Variants in GUCY1B1 observed in about 807,000 individuals in gnomAD.
GUCY1B1 encodes guanylate cyclase 1 soluble subunit beta 1, also known as guanylate cyclase soluble subunit beta-1.
In GUCY1B1, 43 loss-of-function variants were observed where a neutral mutation model predicts 71.0. The observed-to-expected ratio is 0.61, with a 90% CI of 0.47 to 0.78. GUCY1B1 has a LOEUF of 0.78. GUCY1B1 is among the 30% of genes least tolerant of loss of function. The pLI is 0.00. For missense variants in GUCY1B1, 535 were observed against 754.1 expected, an observed-to-expected ratio of 0.71 and a Z score of 3.40; for synonymous variants, 266 against 259.7, an observed-to-expected ratio of 1.02 and a Z score of -0.23.
At chr4:155,791,355 T>C (rs1739147136) in intron 5 of GUCY1B1, among the ~76,000 whole-genome samples, 1 of 149,590 alleles carries the variant, frequency 6.7e-6, no homozygotes, top group Admixed American at 6.6e-5. Flanking sequence ...GACCTCATGA[T>C]CCGCCCGGCT....
intron 2 of GUCY1B1, chr4:155,772,455 C>T (rs1737757904): frequency 2.7e-6 from 1 of 375,130 alleles, no homozygotes; most frequent in Non-Finnish European, 4.9e-6. Context: ...GGCTCTGTTG[C>T]CCAGGCTGAA....
chr4:155,801,686 C>T (rs1487976375), intron 9 of GUCY1B1, among the ~76,000 whole-genome samples: 1 of 152,184 alleles, frequency 6.6e-6, no homozygotes, highest in South Asian at 2.1e-4. Flanking sequence ...CTGCTTCTTT[C>T]CCTCTAAATT....
chr4:155,796,605 T>G, intron 8 of GUCY1B1, 95 bp downstream of exon 8: 1 of 790,964 alleles, frequency 1.3e-6, no homozygotes, highest in South Asian at 1.9e-5. Flanking sequence ...ATTTACATAT[T>G]CTCTGAGGTG....
chr4:155,793,872 A>G lies in GUCY1B1; in HGVS notation c.512A>G (p.Asn171Ser). 1 of 1,494,434 alleles carries G rather than the reference A, an allele frequency of 6.7e-7. No homozygotes were observed. The highest frequency in any genetic ancestry group is 9.3e-7 in the Non-Finnish European group (1 of 1,071,016). 92.6% of individuals were successfully genotyped at this position (1,494,434 alleles called of 1,614,324 possible). A position where few individuals can be genotyped will look rare whatever the true frequency, so the allele number is the denominator to read the frequency against. The change falls in exon 6 of 14, where the codon AAT becomes AGT. Residue 171 changes from asparagine to serine, a missense_variant. By Grantham distance (46) the Asn-to-Ser change is conservative (BLOSUM62 1). Coordinates refer to ENST00000264424, the MANE Select transcript of GUCY1B1 (RefSeq NM_000857.5). ...GATATCCAGGTTATTCAGCAAAGAA[A>G]TGAAGAATGTGATCATACTCAATTT... ...EIDMKVIQQRNEECDHTQFLI... is the reference protein window; with the variant it reads ...EIDMKVIQQRSEECDHTQFLI...
chr4:155,773,368 TA>T (rs1054514619), intron 2 of GUCY1B1, among the ~76,000 whole-genome samples: 7 of 152,332 alleles, frequency 4.6e-5, no homozygotes, highest in African/African-American at 1.7e-4. Context: ...TTGAGAAAAG[TA>T]ATTCAAATCC....
intron 4 of GUCY1B1, chr4:155,785,266 G>A (rs545641093): frequency 2.9e-6 from 4 of 1,393,502 alleles, no homozygotes; most frequent in Non-Finnish European, 2.9e-6. Context: ...AAGCCTAGAA[G>A]AATGAATCAA....
chr4:155,796,177 A>G (rs1364185598), intron 7 of GUCY1B1, among the ~76,000 whole-genome samples, 200 bp from the exon 8 acceptor site: 3 of 152,190 alleles, frequency 2.0e-5, no homozygotes, highest in Non-Finnish European at 2.9e-5. Flanking sequence ...TTCAGACGGG[A>G]CAGTCACTTT....
At chr4:155,779,079 C>T (rs1738246300) in intron 4 of GUCY1B1, among the ~76,000 whole-genome samples, 1 of 151,728 alleles carries the variant, frequency 6.6e-6, no homozygotes, top group East Asian at 1.9e-4. Context: ...TCCAGAGCTG[C>T]TTTATCCAAT....
intron 2 of GUCY1B1, 103 bp from the exon 3 acceptor site, chr4:155,774,865 T>A: frequency 1.4e-6 from 1 of 733,970 alleles, no homozygotes; most frequent in Non-Finnish European, 2.3e-6. Flanking sequence ...AACCAAATTC[T>A]ATTTCAGAGA....
intron 9 of GUCY1B1, among the ~76,000 whole-genome samples, chr4:155,801,949 A>G (rs144106793): frequency 3.3e-5 from 5 of 152,328 alleles, no homozygotes; most frequent in African/African-American, 1.2e-4. Flanking sequence ...TTATTGTGCT[A>G]TTCATACCAT....
chr4:155,786,416 G>A (rs952175291), intron 4 of GUCY1B1, among the ~76,000 whole-genome samples: 2 of 145,630 alleles, frequency 1.4e-5, no homozygotes, highest in East Asian at 2.0e-4. Context: ...TGGGACTACA[G>A]GCATGCCCCA....
Position 155,806,624 on chromosome 4 carries a change from G to A in GUCY1B1, c.*215G>A, listed in dbSNP as rs901334522. 2 of 445,232 alleles carry A rather than the reference G, an allele frequency of 4.5e-6. No individual in the cohort carries two copies. The highest frequency in any genetic ancestry group is 4.0e-5 in the African/African-American group (2 of 49,626). 27.6% of individuals were successfully genotyped at this position (445,232 alleles called of 1,614,324 possible). ...TTTAGGCTTTAGTATATTATCTAAA[G>A]TTTGGCTTTTGATGTGGATGATGTG... is the stretch of plus-strand genomic sequence containing the variant. On this transcript the variant is annotated 3_prime_UTR_variant, in exon 14 of 14. Coordinates refer to ENST00000264424, the MANE Select transcript of GUCY1B1 (RefSeq NM_000857.5).
In GUCY1B1 at chr4:155,806,773, A is replaced by G. The variant is rs1003291259; in HGVS notation, c.*364A>G. ...AACTGAACAGTGTTTGGCCATGTGT[A>G]TATTTATATCATGTTTACCAAATCT... On this transcript the variant is annotated 3_prime_UTR_variant, in exon 14 of 14. Coordinates refer to ENST00000264424, the MANE Select transcript of GUCY1B1 (RefSeq NM_000857.5). 5 of 207,932 alleles carry G rather than the reference A, an allele frequency of 2.4e-5. No individual in the cohort carries two copies. The highest frequency in any genetic ancestry group is 9.2e-5 in the African/African-American group (4 of 43,420). 12.9% of individuals were successfully genotyped at this position (207,932 alleles called of 1,614,324 possible). A position where few individuals can be genotyped will look rare whatever the true frequency, so the allele number is the denominator to read the frequency against.
chr4:155,794,061 A>G lies in GUCY1B1; in HGVS notation c.701A>G (p.Asn234Ser), dbSNP rs753581888. 1 of 1,605,294 alleles carries G rather than the reference A, an allele frequency of 6.2e-7. No homozygotes were observed. The change falls in exon 6 of 14, where the codon AAT (asparagine) becomes AGT (serine). Residue 234 changes from asparagine to serine, a missense_variant. Transcript: ENST00000264424. ...GACCTAGTGGTCACTCAGTGTGGCA[A>G]TGCTATATACAGAGTTCTCCCCCAG... ...DRDLVVTQCGNAIYRVLPQLQ... is the reference protein window; with the variant it reads ...DRDLVVTQCGSAIYRVLPQLQ...
intron 13 of GUCY1B1, among the ~76,000 whole-genome samples, chr4:155,806,134 C>A (rs777355933): frequency 6.6e-6 from 1 of 152,076 alleles, no homozygotes; most frequent in Non-Finnish European, 1.5e-5. Context: ...CCTGGTTTAA[C>A]ATTAAATCAT....
chr4:155,781,119 T>C (rs1438678979), intron 4 of GUCY1B1, among the ~76,000 whole-genome samples: 1 of 152,246 alleles, frequency 6.6e-6, no homozygotes, highest in Non-Finnish European at 1.5e-5. Flanking sequence ...TTTTTACTTT[T>C]CTTGAAATAA....
At chr4:155,759,415 G>A in intron 1 of GUCY1B1, 4 of 545,088 alleles carry the variant, frequency 7.3e-6, no homozygotes, top group East Asian at 3.3e-5. Flanking sequence ...TGCGGCGGAG[G>A]CGTGGGGTCT....
chr4:155,802,989 C>T lies in GUCY1B1; in HGVS notation c.1413+410C>T, dbSNP rs1373629440. Among the ~76,000 whole-genome samples, 2 of 152,174 alleles carry T rather than the reference C, an allele frequency of 1.3e-5. No homozygotes were observed. The highest frequency in any genetic ancestry group is 4.8e-5 in the African/African-American group (2 of 41,522). On this transcript the variant is annotated intron_variant, in intron 10 of 13. Coordinates refer to ENST00000264424, the MANE Select transcript of GUCY1B1 (RefSeq NM_000857.5). This position sits in a 1 kb window ranked among gnomAD's most constrained non-coding sequence, Gnocchi z 4.3. ...GAAGCATGAGAAGGACTCAGATTTG[C>T]GTTTAGATAACATCAACTTGAAGAA...
intron 2 of GUCY1B1, among the ~76,000 whole-genome samples, chr4:155,765,091 A>G (rs1737240752): frequency 6.6e-6 from 1 of 152,126 alleles, no homozygotes; most frequent in South Asian, 2.1e-4. Context: ...ATCTTTGCAC[A>G]TTACGGTGAG....
Sources: gnomAD v4.1 joint callset for allele counts (sites outside exome capture counted in the v4.1 genomes callset) on GRCh38, gnomAD v4.1.1 for gene constraint, Gnocchi (gnomAD v3.1) non-coding constraint, MANE v1.5 for transcripts, NCBI Gene and HGNC (gene_info 2026-07-23, HGNC 2026-07-21) for gene names.